IQCM: variants seen among roughly 807,000 people sequenced by gnomAD.
IQCM encodes IQ domain-containing protein M.
A neutral mutation model predicts 57.6 loss-of-function variants in IQCM; 45 were observed. That is an observed-to-expected ratio of 0.78 (90% CI 0.62 to 1.00). IQCM has a LOEUF of 1.00. IQCM is among the 50% of genes least tolerant of loss of function. The probability of loss-of-function intolerance (pLI) is 0.00; values close to 1 mark genes in which losing one functional copy is unlikely to be tolerated. For missense variants in IQCM, 468 were observed against 511.6 expected (o/e 0.91, Z 0.82); for synonymous variants, 148 against 158.9 (o/e 0.93, Z 0.51).
intron 2 of IQCM, among the ~76,000 whole-genome samples, chr4:149,772,419 C>T (rs1028609429): frequency 2.0e-5 from 3 of 152,052 alleles, no homozygotes; most frequent in Non-Finnish European, 4.4e-5. Context: ...CACGCACCCC[C>T]CATTCAGAAA....
chr4:149,506,173 G>C (rs1188597055), intron 12 of IQCM, among the ~76,000 whole-genome samples: 1 of 152,218 alleles, frequency 6.6e-6, no homozygotes, highest in African/African-American at 2.4e-5. Context: ...GAACGAGGAA[G>C]ATGGCCATAA....
At chr4:149,546,368 A>G (rs1262320904) in intron 12 of IQCM, among the ~76,000 whole-genome samples, 5 of 152,234 alleles carry the variant, frequency 3.3e-5, no homozygotes, top group African/African-American at 1.2e-4. Context: ...TGGTATTTCT[A>G]GTTCTAGATC....
intron 12 of IQCM, among the ~76,000 whole-genome samples, chr4:149,541,731 C>T (rs1478477282): frequency 2.0e-5 from 3 of 151,418 alleles, no homozygotes; most frequent in African/African-American, 7.3e-5. Context: ...TCCTCAGTCA[C>T]AAATTTTTTT....
chr4:149,806,566 T>G (rs1015935183), intron 2 of IQCM, among the ~76,000 whole-genome samples: 1 of 151,994 alleles, frequency 6.6e-6, no homozygotes, highest in Admixed American at 6.6e-5. Flanking sequence ...TACATATGAG[T>G]AGGAACAGGT....
chr4:149,719,635 C>T (rs1408182992), intron 5 of IQCM, among the ~76,000 whole-genome samples: 2 of 152,196 alleles, frequency 1.3e-5, no homozygotes, highest in African/African-American at 4.8e-5. Context: ...CTTCATCTCC[C>T]TCCACCATTC....
intron 2 of IQCM, among the ~76,000 whole-genome samples, chr4:149,762,482 A>G (rs1432079890): frequency 6.6e-6 from 1 of 152,034 alleles, no homozygotes; most frequent in African/African-American, 2.4e-5. Flanking sequence ...GTTTTAAAGT[A>G]ATGAACAGAA....
chr4:149,584,575 T>C (rs1198368619), intron 9 of IQCM, among the ~76,000 whole-genome samples: 1 of 151,732 alleles, frequency 6.6e-6, no homozygotes, highest in Non-Finnish European at 1.5e-5. Flanking sequence ...AGTAAATTCA[T>C]TCTAAATGTG....
At chr4:149,359,295 C>A (rs1038353443) in intron 13 of IQCM, among the ~76,000 whole-genome samples, 2 of 152,062 alleles carry the variant, frequency 1.3e-5, no homozygotes, top group Non-Finnish European at 2.9e-5. Flanking sequence ...AAAGCAGTAC[C>A]TATAATACCG....
intron 12 of IQCM, among the ~76,000 whole-genome samples, chr4:149,540,966 T>C (rs1747794023): frequency 6.6e-6 from 1 of 152,190 alleles, no homozygotes; most frequent in South Asian, 2.1e-4. Context: ...CTTCATTCTT[T>C]TGCCATCAGA....
chr4:149,680,114 T>C (rs1199773715), intron 7 of IQCM, among the ~76,000 whole-genome samples: 1 of 151,318 alleles, frequency 6.6e-6, no homozygotes, highest in Non-Finnish European at 1.5e-5. Flanking sequence ...ACTTCCTAAA[T>C]AACAAATCAG....
At chr4:149,462,634 T>A (rs540558272) in intron 12 of IQCM, among the ~76,000 whole-genome samples, 1 of 152,324 alleles carries the variant, frequency 6.6e-6, no homozygotes, top group East Asian at 1.9e-4. Flanking sequence ...CATGTGTCTT[T>A]TTCTCCTTTT....
intron 12 of IQCM, among the ~76,000 whole-genome samples, chr4:149,541,647 T>A (rs2149877880): frequency 6.6e-6 from 1 of 152,236 alleles, no homozygotes; most frequent in African/African-American, 2.4e-5. Context: ...TTCTGCAGCT[T>A]TTAAGATCGG....
chr4:149,799,839 G>A (rs1773443962), intron 2 of IQCM, among the ~76,000 whole-genome samples: 1 of 149,188 alleles, frequency 6.7e-6, no homozygotes, highest in African/African-American at 2.5e-5. Context: ...GTAATAAAAA[G>A]TCTACCAGTA....
chr4:149,743,421 T>C (rs1767642220), intron 2 of IQCM, among the ~76,000 whole-genome samples: 1 of 152,124 alleles, frequency 6.6e-6, no homozygotes. Context: ...GCTGTCTGTG[T>C]AAGGGGCTAA....
chr4:149,759,820 C>T (rs1360832987), intron 2 of IQCM, among the ~76,000 whole-genome samples: 1 of 151,754 alleles, frequency 6.6e-6, no homozygotes, highest in African/African-American at 2.4e-5. Context: ...AGCATTTAAA[C>T]AAGCATTCAA....
At chr4:149,514,905 A>C (rs1744782635) in intron 12 of IQCM, among the ~76,000 whole-genome samples, 1 of 152,136 alleles carries the variant, frequency 6.6e-6, no homozygotes, top group African/African-American at 2.4e-5. Context: ...CCCAGCCAAC[A>C]TCTTTCTTCT....
intron 12 of IQCM, among the ~76,000 whole-genome samples, chr4:149,464,387 A>G (rs1450241780): frequency 6.6e-6 from 1 of 152,098 alleles, no homozygotes; most frequent in Non-Finnish European, 1.5e-5. Context: ...TTCTTGACAG[A>G]GTATCTTGTA....
chr4:149,618,687 C>T (rs1339458961), intron 8 of IQCM, among the ~76,000 whole-genome samples: 3 of 151,956 alleles, frequency 2.0e-5, no homozygotes, highest in Non-Finnish European at 2.9e-5. Context: ...CATAAGTGGA[C>T]ATTTTTCAAA....
At chr4:149,390,174 A>C (rs1387413752) in intron 13 of IQCM, among the ~76,000 whole-genome samples, 2 of 151,976 alleles carry the variant, frequency 1.3e-5, no homozygotes, top group Non-Finnish European at 2.9e-5. Context: ...TATTGTACTT[A>C]TATTGTTAGA....
Sources: allele counts gnomAD v4.1 joint callset (sites outside exome capture counted in the v4.1 genomes callset), GRCh38; gene constraint gnomAD v4.1.1; transcripts MANE v1.5; gene names NCBI Gene and HGNC (gene_info 2026-07-23, HGNC 2026-07-21).